The following BRINP1 variants were observed in gnomAD, a reference collection of about 807,000 sequenced individuals.
The protein encoded by BRINP1 is BMP/retinoic acid inducible neural specific 1, also known as BMP/retinoic acid-inducible neural-specific protein 1.
BRINP1 carries 17 observed loss-of-function variants against 72.9 expected under a neutral mutation model. That is an observed-to-expected ratio of 0.23 (90% CI 0.16 to 0.35). The LOEUF (loss-of-function observed/expected upper bound fraction) is 0.35, where lower values mean the gene tolerates loss of function less well. Ranked by LOEUF, BRINP1 falls within the 10% of genes least tolerant of loss-of-function variation. The pLI, the probability that BRINP1 is intolerant of heterozygous loss-of-function variation, is 1.00. For synonymous variants in BRINP1, 418 were observed against 378.5 expected (o/e 1.10, Z -1.21); for missense variants, 850 against 1,001.6 (o/e 0.85, Z 2.04).
intron 5 of BRINP1, 35 bp from the exon 6 acceptor site, chr9:119,214,190 G>C: frequency 1.3e-6 from 2 of 1,515,498 alleles, no homozygotes; most frequent in Non-Finnish European, 1.8e-6. Context: ...AAACAGAAAG[G>C]TTTAAAAAAA....
chr9:119,296,819 C>T (rs372135512), intron 2 of BRINP1, among the ~76,000 whole-genome samples: 1 of 152,110 alleles, frequency 6.6e-6, no homozygotes, highest in African/African-American at 2.4e-5. Context: ...ATCAAACTTA[C>T]AGAAGCAGAG....
At chr9:119,210,795 G>A (rs1245489850) in intron 6 of BRINP1, among the ~76,000 whole-genome samples, 1 of 152,134 alleles carries the variant, frequency 6.6e-6, no homozygotes, top group African/African-American at 2.4e-5. Context: ...TTCTCTCAAG[G>A]CGTCAGTTTC....
At chr9:119,262,934 A>C (rs1175494517) in intron 2 of BRINP1, among the ~76,000 whole-genome samples, 1 of 152,230 alleles carries the variant, frequency 6.6e-6, no homozygotes, top group East Asian at 1.9e-4. Context: ...CTAGGACTAC[A>C]GGAGAAAACT....
chr9:119,182,331 T>A (rs2118839687), intron 7 of BRINP1, among the ~76,000 whole-genome samples: 1 of 152,176 alleles, frequency 6.6e-6, no homozygotes, highest in African/African-American at 2.4e-5. Flanking sequence ...ATACAAAAAT[T>A]AAAACAGATT....
chr9:119,225,567 T>C (rs993687645), intron 5 of BRINP1, among the ~76,000 whole-genome samples: 1 of 152,024 alleles, frequency 6.6e-6, no homozygotes, highest in Non-Finnish European at 1.5e-5. Flanking sequence ...GTTGTATTAT[T>C]ATTATTAATT....
intron 2 of BRINP1, among the ~76,000 whole-genome samples, chr9:119,295,358 T>C (rs1311330708): frequency 6.6e-6 from 1 of 152,134 alleles, no homozygotes; most frequent in Non-Finnish European, 1.5e-5. Flanking sequence ...TTTGTCATTG[T>C]ACAAACATCA....
At chr9:119,243,162 C>A (rs922502146) in intron 3 of BRINP1, among the ~76,000 whole-genome samples, 1 of 152,052 alleles carries the variant, frequency 6.6e-6, no homozygotes, top group South Asian at 2.1e-4. Context: ...AAACCCATCA[C>A]CTAAGTATTA....
intron 6 of BRINP1, among the ~76,000 whole-genome samples, chr9:119,213,148 T>A (rs972856123): frequency 6.6e-6 from 1 of 152,234 alleles, no homozygotes; most frequent in Non-Finnish European, 1.5e-5. Flanking sequence ...TGTTCTTTTT[T>A]AAGGTAGACT....
intron 5 of BRINP1, among the ~76,000 whole-genome samples, chr9:119,231,243 T>C (rs1254505555): frequency 6.6e-6 from 1 of 152,044 alleles, no homozygotes; most frequent in African/African-American, 2.4e-5. Flanking sequence ...CATGTACAAA[T>C]TGTACTAGCC....
intron 2 of BRINP1, among the ~76,000 whole-genome samples, chr9:119,249,841 A>AG (rs1830360413): frequency 2.9e-5 from 2 of 68,450 alleles, no homozygotes; most frequent in Non-Finnish European, 5.8e-5. Context: ...GAAGGAAGGA[A>AG]GGAAGGAAGG....
At chr9:119,333,927 T>C (rs1486464830) in intron 1 of BRINP1, among the ~76,000 whole-genome samples, 1 of 152,186 alleles carries the variant, frequency 6.6e-6, no homozygotes, top group East Asian at 1.9e-4. Flanking sequence ...GGGCCTCAAG[T>C]CAGGCAAACA....
intron 2 of BRINP1, among the ~76,000 whole-genome samples, chr9:119,272,910 C>T (rs917107267): frequency 6.6e-6 from 1 of 152,110 alleles, no homozygotes; most frequent in African/African-American, 2.4e-5. Context: ...CTTAGAGGTC[C>T]TTGTTCTTAG....
intron 5 of BRINP1, among the ~76,000 whole-genome samples, chr9:119,222,078 T>G (rs546066509): frequency 6.6e-6 from 1 of 152,254 alleles, no homozygotes; most frequent in East Asian, 1.9e-4. Flanking sequence ...GCGAGTGATG[T>G]GTGTCTTTTC....
intron 5 of BRINP1, among the ~76,000 whole-genome samples, chr9:119,230,860 G>A (rs577938365): frequency 3.3e-5 from 5 of 152,092 alleles, no homozygotes; most frequent in South Asian, 4.1e-4. Flanking sequence ...GAGGGCAGAC[G>A]ATACCTCAAG....
chr9:119,248,909 T>C (rs997631648), intron 3 of BRINP1, 51 bp downstream of exon 3: 15 of 1,528,212 alleles, frequency 9.8e-6, no homozygotes, highest in African/African-American at 2.7e-5. Flanking sequence ...TCCCTTCCCA[T>C]CCCAAACCCA....
At chr9:119,259,390 C>A (rs1382727967) in intron 2 of BRINP1, among the ~76,000 whole-genome samples, 1 of 152,188 alleles carries the variant, frequency 6.6e-6, no homozygotes, top group East Asian at 1.9e-4. Context: ...GCTACGTATC[C>A]TGCGGCAAGG....
chr9:119,319,140 A>C (rs996602743), intron 1 of BRINP1, among the ~76,000 whole-genome samples: 5 of 152,078 alleles, frequency 3.3e-5, no homozygotes, highest in African/African-American at 1.2e-4. Context: ...ACCCTGCTCT[A>C]ATCCAACTCC....
At chr9:119,366,465 T>A (rs1409620397) in intron 1 of BRINP1, among the ~76,000 whole-genome samples, 1 of 151,238 alleles carries the variant, frequency 6.6e-6, no homozygotes, top group Non-Finnish European at 1.5e-5. Flanking sequence ...GGAATCTATG[T>A]TCTCTCTCTG....
At chr9:119,261,891 CCTCT>C (rs139481460) in intron 2 of BRINP1, among the ~76,000 whole-genome samples, 32 of 148,414 alleles carry the variant, frequency 2.2e-4, no homozygotes, top group Non-Finnish European at 3.6e-4. Flanking sequence ...TTCTTCTCTT[CCTCT>C]CTCTCTCTCT....
Sources: gnomAD v4.1 joint callset for allele counts (sites outside exome capture counted in the v4.1 genomes callset) on GRCh38, gnomAD v4.1.1 for gene constraint, MANE v1.5 for transcripts, NCBI Gene and HGNC (gene_info 2026-07-23, HGNC 2026-07-21) for gene names.